The following TSPAN14 variants were observed in gnomAD, a reference collection of about 807,000 sequenced individuals.
TSPAN14 encodes tetraspanin 14, also known as tetraspanin-14.
Under a neutral mutation model 36.6 loss-of-function variants are expected in TSPAN14, and 16 were observed. The ratio of observed to expected loss-of-function variants is 0.44; its 90% CI spans 0.30 to 0.66. The LOEUF (loss-of-function observed/expected upper bound fraction) is 0.66. Among genes scored for constraint, TSPAN14 ranks in the 30% least tolerant of loss-of-function variants. TSPAN14 has a pLI of 0.12. For synonymous variants in TSPAN14, 139 were observed against 143.8 expected, an observed-to-expected ratio of 0.97 and a Z score of 0.24; for missense variants, 231 against 355.1, an observed-to-expected ratio of 0.65 and a Z score of 2.81.
intron 2 of TSPAN14, among the ~76,000 whole-genome samples, chr10:80,490,840 T>C (rs1182945550): frequency 6.6e-6 from 1 of 152,178 alleles, no homozygotes; most frequent in Non-Finnish European, 1.5e-5. Flanking sequence ...AGGCAGACAT[T>C]GATTCTGTGC....
chr10:80,482,318 G>A (rs747740806), intron 1 of TSPAN14, among the ~76,000 whole-genome samples: 3 of 152,126 alleles, frequency 2.0e-5, no homozygotes, highest in African/African-American at 7.2e-5. Context: ...ATGGAGTCTC[G>A]CTCTGTGGCT....
intron 3 of TSPAN14, 53 bp downstream of exon 3, chr10:80,504,831 G>A (rs1017308142): frequency 1.2e-4 from 199 of 1,595,626 alleles, no homozygotes; most frequent in South Asian, 4.4e-4. Flanking sequence ...AACCAGATTC[G>A]TTGGACTTCA....
chr10:80,520,107 G>T, exon 9 of TSPAN14: 1 of 161,346 alleles, frequency 6.2e-6, no homozygotes. Flanking sequence ...CTGTGAAGGG[G>T]GTTGGTGGCA....
chr10:80,517,984 A>C (rs1841033455), exon 9 of TSPAN14: 1 of 1,555,772 alleles, frequency 6.4e-7, no homozygotes, highest in African/African-American at 1.4e-5. Flanking sequence ...TGAGGAGCAG[A>C]GTTGAGGGAG....
chr10:80,496,558 A>C (rs1848207491), intron 2 of TSPAN14, among the ~76,000 whole-genome samples: 1 of 152,152 alleles, frequency 6.6e-6, no homozygotes, highest in Non-Finnish European at 1.5e-5. Context: ...TATTTTAGCC[A>C]TTATGTTTTC....
intron 1 of TSPAN14, among the ~76,000 whole-genome samples, chr10:80,481,409 CAAACA>C (rs1445212395): frequency 6.6e-6 from 1 of 152,120 alleles, no homozygotes; most frequent in Admixed American, 6.5e-5. Context: ...GAAAATTAAG[CAAACA>C]AAACAAGAAG....
At chr10:80,490,984 G>T (rs1847890998) in intron 2 of TSPAN14, among the ~76,000 whole-genome samples, 2 of 152,182 alleles carry the variant, frequency 1.3e-5, no homozygotes, top group Admixed American at 1.3e-4. Flanking sequence ...TGCTTCTACT[G>T]CAGATTTGGC....
intron 2 of TSPAN14, 59 bp from the exon 3 acceptor site, chr10:80,504,669 A>C: frequency 6.2e-7 from 1 of 1,600,708 alleles, no homozygotes; most frequent in Non-Finnish European, 8.6e-7. Context: ...TCTGTGAAGC[A>C]TGTTCACAGT....
At chr10:80,485,652 GACC>G in intron 1 of TSPAN14, 1 of 985,428 alleles carries the variant, frequency 1.0e-6, no homozygotes, top group South Asian at 4.7e-5. Flanking sequence ...AGAGGGTCAG[GACC>G]TGCTTTCCAA....
chr10:80,520,634 C>T (rs1231273116), exon 9 of TSPAN14: 2 of 533,314 alleles, frequency 3.8e-6, no homozygotes, highest in East Asian at 1.1e-4. Context: ...TTTTCCTGTC[C>T]CGTCTTCCTA....
chr10:80,513,989 A>G (rs1207075762), intron 6 of TSPAN14, 30 bp from the exon 7 acceptor site: 1 of 1,610,598 alleles, frequency 6.2e-7, no homozygotes, highest in African/African-American at 1.3e-5. Context: ...GAGACGCCAG[A>G]AGCAACTAAT....
Position 80,516,203 on chromosome 10 carries a change from G to A in TSPAN14, c.622-1G>A. The A allele has an allele frequency of 5.6e-6, 9 of 1,614,220 alleles. No homozygotes were observed. Among genetic ancestry groups the A allele is most frequent in the Non-Finnish European group, 7.6e-6 (9 of 1,180,020 alleles). The stretch of plus-strand genomic sequence containing the variant: ...CAGACCCCTGTGGTGTTTTCCTGCA[G>A]CTGAAGAGCAAGTGGGATGAGTCCA... On this transcript the variant is annotated splice_acceptor_variant, in intron 7 of 8. Coordinates refer to ENST00000429989, the Ensembl canonical transcript of TSPAN14. LOFTEE classifies it high-confidence loss of function.
intron 5 of TSPAN14, among the ~76,000 whole-genome samples, chr10:80,510,740 G>A (rs564446546): frequency 1.3e-5 from 2 of 152,138 alleles, no homozygotes; most frequent in South Asian, 2.1e-4. Context: ...GGGGTGTGGC[G>A]GTGGGCACCT....
chr10:80,477,485 G>T (rs1052209359), intron 1 of TSPAN14, among the ~76,000 whole-genome samples: 2 of 152,206 alleles, frequency 1.3e-5, no homozygotes, highest in African/African-American at 4.8e-5. Flanking sequence ...CATGAGGACA[G>T]GGAGAATGAG....
chr10:80,512,764 G>A lies in TSPAN14; in HGVS notation c.576+495G>A, dbSNP rs1424641034. 2.6e-5 allele frequency among the ~76,000 whole-genome samples: 4 copies of A among 152,228 alleles called. No individual in the cohort carries two copies. In the East Asian group the frequency reaches 7.7e-4, roughly 29 times the overall value. ...GCTGGAGTGTAGTGGCATGATCTTG[G>A]CTCACTGGAACCTCTGTCTCCTGGG... is the stretch of plus-strand genomic sequence containing the variant. On this transcript the variant is annotated intron_variant, in intron 6 of 8. Transcript: ENST00000429989.
At chr10:80,491,809 A>C (rs1219329145) in intron 2 of TSPAN14, among the ~76,000 whole-genome samples, 1 of 152,218 alleles carries the variant, frequency 6.6e-6, no homozygotes, top group Admixed American at 6.5e-5. Context: ...ACAGGAAGGA[A>C]CAAACAGGAA....
chr10:80,497,934 G>A lies in TSPAN14; in HGVS notation c.82-6794G>A, dbSNP rs1244573325. ...GTGATAGCTATGTGACCCCATGCAA[G>A]GCACCTCCTGCTCTGGGCTCTGTTT... On this transcript the variant is annotated intron_variant, in intron 2 of 8. Coordinates refer to ENST00000429989, the Ensembl canonical transcript of TSPAN14. Among the ~76,000 whole-genome samples the A allele has an allele frequency of 3.3e-5, 5 of 152,202 alleles. No individual in the cohort carries two copies. The East Asian group carries it at 9.6e-4, about 29-fold the overall frequency.
At chr10:80,502,441 G>C (rs763541412) in intron 2 of TSPAN14, among the ~76,000 whole-genome samples, 5 of 152,232 alleles carry the variant, frequency 3.3e-5, no homozygotes, top group Non-Finnish European at 1.5e-5. Flanking sequence ...CCAGACTCGA[G>C]TGGGTGGAGC....
At chr10:80,514,132 T>A (rs930068766) in intron 7 of TSPAN14, 69 bp downstream of exon 7, 2 of 1,446,946 alleles carry the variant, frequency 1.4e-6, no homozygotes, top group Non-Finnish European at 1.9e-6. Flanking sequence ...AACATTCTGA[T>A]TTAGCACGAG....
Sources: allele counts gnomAD v4.1 joint callset (sites outside exome capture counted in the v4.1 genomes callset), GRCh38; gene constraint gnomAD v4.1.1; transcripts MANE v1.5; gene names NCBI Gene and HGNC (gene_info 2026-07-23, HGNC 2026-07-21).